Variants in CRISP3 observed in about 807,000 individuals in gnomAD.
CRISP3 encodes cysteine rich secretory protein 3, also known as cysteine-rich secretory protein 3.
Under a neutral mutation model 36.1 loss-of-function variants are expected in CRISP3, and 33 were observed. That is an observed-to-expected ratio of 0.91 (90% CI 0.69 to 1.22). The LOEUF is 1.22. Ranked by LOEUF, CRISP3 falls within the 50% of genes most tolerant of loss-of-function variation. The pLI is 0.00. For missense variants in CRISP3, 330 were observed against 301.2 expected, an observed-to-expected ratio of 1.10 and a Z score of -0.71; for synonymous variants, 117 against 104.6, an observed-to-expected ratio of 1.12 and a Z score of -0.72.
chr6:49,736,591 A>G, intron 2 of CRISP3, 84 bp from the exon 3 acceptor site: 1 of 989,032 alleles, frequency 1.0e-6, no homozygotes, highest in Non-Finnish European at 1.6e-6. Context: ...AAGGGAACAA[A>G]GACCATTTTT....
chr6:49,737,602 G>T (rs747563510), intron 1 of CRISP3: 23 of 608,882 alleles, frequency 3.8e-5, no homozygotes, highest in Non-Finnish European at 6.6e-5. Flanking sequence ...GGACTATAAA[G>T]AACAAACCAA....
intron 1 of CRISP3, among the ~76,000 whole-genome samples, chr6:49,740,887 G>C (rs1769182213): frequency 1.3e-5 from 2 of 151,824 alleles, no homozygotes; most frequent in African/African-American, 4.8e-5. Flanking sequence ...AGATCACGAG[G>C]TCAAGAGATC....
chr6:49,728,959 A>G (rs991315907), intron 7 of CRISP3, 102 bp from the exon 8 acceptor site: 6 of 1,120,232 alleles, frequency 5.4e-6, no homozygotes, highest in African/African-American at 4.7e-5. Context: ...GGAAGTGAGC[A>G]AACAAGTTGA....
chr6:49,734,443 C>G (rs963841250), intron 4 of CRISP3, among the ~76,000 whole-genome samples: 1 of 152,084 alleles, frequency 6.6e-6, no homozygotes, highest in African/African-American at 2.4e-5. Flanking sequence ...AGGCCACACT[C>G]TGGTCAAAAA....
chr6:49,733,678 A>G, intron 5 of CRISP3, 25 bp downstream of exon 5: 1 of 1,590,168 alleles, frequency 6.3e-7, no homozygotes, highest in Non-Finnish European at 8.6e-7. Context: ...TATAAAGGAG[A>G]TGGTTTTTCA....
chr6:49,744,191 T>C (rs1769275711), intron 1 of CRISP3, 140 bp downstream of exon 1: 1 of 523,652 alleles, frequency 1.9e-6, no homozygotes, highest in South Asian at 3.7e-5. Context: ...ATAATTACTC[T>C]CATTAAAAGT....
intron 1 of CRISP3, 137 bp from the exon 2 acceptor site, chr6:49,737,535 T>C (rs765578007): frequency 1.2e-6 from 1 of 866,150 alleles, no homozygotes; most frequent in African/African-American, 1.7e-5. Context: ...AGAAGACTTG[T>C]CACATGGAGC....
Position 49,736,426 on chromosome 6 carries a change from C to T in CRISP3, c.193G>A (p.Ala65Thr), listed in dbSNP as rs1769053761. The T allele has an allele frequency of 6.2e-7, 1 of 1,613,308 alleles. No individual in the cohort carries two copies. Among genetic ancestry groups the T allele is most frequent in the Non-Finnish European group, 8.5e-7 (1 of 1,179,392 alleles). ...ATGTTTCTGGCAGGGGGAGATACTG[C>T]TCTCCTCAGTTCATTGTGCTTATTC... ...IVNKHNELRR[A>T]VSPPARNMLK... Residue 65 changes from alanine to threonine, a missense_variant, in exon 3 of 8, where the codon GCA (alanine) becomes ACA (threonine). Transcript: ENST00000263045.
intron 1 of CRISP3, among the ~76,000 whole-genome samples, chr6:49,741,884 A>G (rs1769214070): frequency 6.8e-6 from 1 of 147,400 alleles, no homozygotes; most frequent in Admixed American, 6.8e-5. Flanking sequence ...TATGTTATAT[A>G]TAATAATATA....
At chr6:49,740,898 G>A (rs919232248) in intron 1 of CRISP3, among the ~76,000 whole-genome samples, 2 of 151,808 alleles carry the variant, frequency 1.3e-5, no homozygotes, top group African/African-American at 4.8e-5. Context: ...TCAAGAGATC[G>A]AGACCATCCT....
At chr6:49,732,446 T>C (rs546002084) in intron 6 of CRISP3, among the ~76,000 whole-genome samples, 1 of 152,172 alleles carries the variant, frequency 6.6e-6, no homozygotes, top group South Asian at 2.1e-4. Flanking sequence ...AAAAGGAAAT[T>C]AAAGCTAATA....
intron 3 of CRISP3, 38 bp downstream of exon 3, chr6:49,736,353 T>C: frequency 1.5e-6 from 2 of 1,356,346 alleles, no homozygotes; most frequent in East Asian, 4.6e-5. Flanking sequence ...CTTCCACAGC[T>C]TGTTCACACC....
At chr6:49,736,537 T>C (rs1304710427) in intron 2 of CRISP3, 30 bp from the exon 3 acceptor site, 5 of 1,473,170 alleles carry the variant, frequency 3.4e-6, no homozygotes, top group Non-Finnish European at 4.8e-6. Flanking sequence ...CAATTATCTT[T>C]TAACATTGTT....
At chr6:49,741,237 CTCT>C (rs1003977049) in intron 1 of CRISP3, among the ~76,000 whole-genome samples, 3 of 151,478 alleles carry the variant, frequency 2.0e-5, no homozygotes, top group Admixed American at 6.6e-5. Flanking sequence ...CTCTCCAGTG[CTCT>C]TATACTCACG....
At chr6:49,735,383 TA>T in intron 4 of CRISP3, 120 bp downstream of exon 4, 1 of 690,434 alleles carries the variant, frequency 1.4e-6, no homozygotes, top group Non-Finnish European at 2.5e-6. Flanking sequence ...AGATAGTCCA[TA>T]TTGAAAAAGG....
At chr6:49,736,602 A>T (rs1203043622) in intron 2 of CRISP3, 95 bp from the exon 3 acceptor site, 5 of 910,892 alleles carry the variant, frequency 5.5e-6, no homozygotes, top group Middle Eastern at 2.2e-4. Context: ...GACCATTTTT[A>T]AAAAGTGTTG....
chr6:49,730,585 A>G (rs1014887158), intron 7 of CRISP3, among the ~76,000 whole-genome samples: 1 of 152,168 alleles, frequency 6.6e-6, no homozygotes, highest in Non-Finnish European at 1.5e-5. Context: ...ATGAGAATAA[A>G]CTTCCTATTT....
In CRISP3 at chr6:49,741,128, A is replaced by C. The variant is rs6925616; in HGVS notation, c.37+3203T>G. Among the ~76,000 whole-genome samples the C allele has an allele frequency of 3.9e-5, 4 of 103,532 alleles. No homozygotes were observed. The East Asian group carries it at 7.2e-4, about 19-fold the overall frequency. 67.9% of individuals were successfully genotyped at this position (103,532 alleles called of 152,430 possible). ...AAAAAACAAAAAACAAACAAACAAA[A>C]AAAACAAACAAAAAAAAACCACCAA... On this transcript the variant is annotated intron_variant, in intron 1 of 7. Transcript: ENST00000263045.
At position 49,730,077 on chromosome 6, in the gene CRISP3, G is replaced by GA. The variant is rs200411189; in HGVS notation, c.649+1085dup. ...GAATTATAGCTACACAATTCAGTCA[G>GA]AAAAAAAATGTTACAATTCAGTCAG... On this transcript the variant is annotated intron_variant, in intron 7 of 7. Coordinates refer to ENST00000263045, the MANE Select transcript of CRISP3 (RefSeq NM_006061.4). 2.7e-3 allele frequency among the ~76,000 whole-genome samples: 403 copies of GA among 151,732 alleles called. 4 individuals are homozygous for GA. Among genetic ancestry groups the GA allele is most frequent in the Non-Finnish European group, 1.0e-3 (71 of 67,840 alleles).
Sources: allele counts gnomAD v4.1 joint callset (sites outside exome capture counted in the v4.1 genomes callset), GRCh38; gene constraint gnomAD v4.1.1; transcripts MANE v1.5; gene names NCBI Gene and HGNC (gene_info 2026-07-23, HGNC 2026-07-21).